Variants in KIF21A observed in about 807,000 individuals in gnomAD.
KIF21A encodes kinesin family member 21A, also known as kinesin-like protein KIF21A.
A neutral mutation model predicts 202.9 loss-of-function variants in KIF21A; 114 were observed. That is an observed-to-expected ratio of 0.56 (90% CI 0.48 to 0.66). The LOEUF (loss-of-function observed/expected upper bound fraction) is 0.66. Ranked by LOEUF, KIF21A falls within the 30% of genes least tolerant of loss-of-function variation. The pLI, the probability that KIF21A is intolerant of heterozygous loss-of-function variation, is 0.00. For synonymous variants in KIF21A, 667 were observed against 670.8 expected (o/e 0.99, Z 0.09); for missense variants, 1,677 against 1,994.9 (o/e 0.84, Z 3.04).
chr12:39,426,959 G>C (rs1238754237), intron 1 of KIF21A, among the ~76,000 whole-genome samples: 1 of 151,950 alleles, frequency 6.6e-6, no homozygotes, highest in Non-Finnish European at 1.5e-5. Flanking sequence ...TGTGATTATA[G>C]TGGCTGGAGG....
At chr12:39,401,407 C>A (rs1163315055) in intron 1 of KIF21A, among the ~76,000 whole-genome samples, 1 of 152,140 alleles carries the variant, frequency 6.6e-6, no homozygotes, top group Admixed American at 6.6e-5. Context: ...AAGGTAAATT[C>A]TTTACCCAAT....
At chr12:39,379,633 GA>G (rs1950486586) in intron 1 of KIF21A, among the ~76,000 whole-genome samples, 2 of 152,314 alleles carry the variant, frequency 1.3e-5, no homozygotes, top group Admixed American at 1.3e-4. Context: ...TCAGCAATGG[GA>G]GGTATCAGTA....
chr12:39,412,429 AT>A (rs1953177725), intron 1 of KIF21A, among the ~76,000 whole-genome samples: 1 of 152,208 alleles, frequency 6.6e-6, no homozygotes, highest in Non-Finnish European at 1.5e-5. Context: ...TTGAAAAGTA[AT>A]TAGCGCCCAG....
chr12:39,300,005 A>C (rs1942815553), intron 37 of KIF21A, among the ~76,000 whole-genome samples: 1 of 152,138 alleles, frequency 6.6e-6, no homozygotes, highest in Admixed American at 6.6e-5. Context: ...ATTGGATACT[A>C]GGCTTAGTAC....
chr12:39,298,647 C>G (rs1942653606), intron 37 of KIF21A, among the ~76,000 whole-genome samples: 1 of 152,102 alleles, frequency 6.6e-6, no homozygotes, highest in Non-Finnish European at 1.5e-5. Context: ...ATCCAATTGC[C>G]TGATAAACAA....
chr12:39,415,848 G>A (rs1208625106), intron 1 of KIF21A, among the ~76,000 whole-genome samples: 1 of 152,132 alleles, frequency 6.6e-6, no homozygotes, highest in Non-Finnish European at 1.5e-5. Flanking sequence ...CCACTCCAGG[G>A]CTATTGTATT....
chr12:39,407,183 G>A (rs936855830), intron 1 of KIF21A, among the ~76,000 whole-genome samples: 2 of 152,130 alleles, frequency 1.3e-5, no homozygotes, highest in Non-Finnish European at 2.9e-5. Context: ...TTTTAGAATT[G>A]CATTCCTCTC....
chr12:39,367,905 C>T lies in KIF21A; in HGVS notation c.578G>A (p.Arg193His), dbSNP rs770064077. The T allele has an allele frequency of 3.2e-5, 51 of 1,608,470 alleles. No individual in the cohort carries two copies. The highest frequency in any genetic ancestry group is 3.9e-5 in the Non-Finnish European group (46 of 1,175,432). The change falls in exon 4 of 38, where the codon CGT (arginine) becomes CAT (histidine). Residue 193 changes from arginine to histidine, a missense_variant. Physicochemically the swap from Arg to His is conservative, Grantham distance 29. Around this residue, in one of 3 missense-constraint regions of KIF21A, gnomAD observed 966 missense variants for 1,180.9 expected, o/e 0.82. Coordinates refer to ENST00000361418, the MANE Select transcript of KIF21A (RefSeq NM_001173464.2). ...TACCTCTGATTCTGTATTCACAGTACGTGTTGTAACGCCCACAGTATAAAT... is the reference window on the plus strand; with the variant it reads ...TACCTCTGATTCTGTATTCACAGTATGTGTTGTAACGCCCACAGTATAAAT... ...GGIYTVGVTT[R>H]TVNTESEMMQ...
chr12:39,441,069 G>A (rs916394401), intron 1 of KIF21A, among the ~76,000 whole-genome samples: 4 of 151,566 alleles, frequency 2.6e-5, no homozygotes, highest in Non-Finnish European at 5.9e-5. Flanking sequence ...AAGAAGGAAG[G>A]AAGGAAGGAA....
chr12:39,295,699 T>G lies in KIF21A; in HGVS notation c.4932-1182A>C, dbSNP rs977915122. On this transcript the variant is annotated intron_variant, in intron 37 of 37. Coordinates refer to ENST00000361418, the MANE Select transcript of KIF21A (RefSeq NM_001173464.2). The stretch of plus-strand genomic sequence containing the variant: ...CAAGCATGCTTGGGATATGTTTTTT[T>G]TTTTTTTTTTTTTTTTTTTTGACAG... Among the ~76,000 whole-genome samples, 4 of 140,656 alleles carry G rather than the reference T, an allele frequency of 2.8e-5. No homozygotes were observed. The East Asian group carries it at 6.3e-4, about 22-fold the overall frequency. 92.3% of individuals were successfully genotyped at this position (140,656 alleles called of 152,430 possible). A position where few individuals can be genotyped will look rare whatever the true frequency, so the allele number is the denominator to read the frequency against.
At chr12:39,320,651 TG>T (rs1945115542) in intron 27 of KIF21A, among the ~76,000 whole-genome samples, 1 of 150,016 alleles carries the variant, frequency 6.7e-6, no homozygotes, top group Non-Finnish European at 1.5e-5. Flanking sequence ...AAAAAAAGTC[TG>T]GGCCAGGCAT....
chr12:39,422,385 A>G (rs1253803606), intron 1 of KIF21A, among the ~76,000 whole-genome samples: 1 of 152,212 alleles, frequency 6.6e-6, no homozygotes, highest in Admixed American at 6.5e-5. Flanking sequence ...GTATTGTTCT[A>G]AATTTTGCTG....
intron 10 of KIF21A, 132 bp downstream of exon 10, chr12:39,356,700 T>C (rs1236552656): frequency 1.3e-5 from 7 of 558,828 alleles, no homozygotes; most frequent in Non-Finnish European, 1.9e-5. Context: ...TCTCCTAAAG[T>C]TAACCTAACC....
chr12:39,334,589 T>G (rs1946803370), intron 17 of KIF21A, among the ~76,000 whole-genome samples: 1 of 152,192 alleles, frequency 6.6e-6, no homozygotes, highest in Non-Finnish European at 1.5e-5. Flanking sequence ...TCATATAGTT[T>G]CAAACTTGTT....
At chr12:39,422,403 C>T (rs1481969511) in intron 1 of KIF21A, among the ~76,000 whole-genome samples, 1 of 152,182 alleles carries the variant, frequency 6.6e-6, no homozygotes, top group Non-Finnish European at 1.5e-5. Context: ...CTGCCAAAAG[C>T]AGCTGTACTA....
intron 1 of KIF21A, among the ~76,000 whole-genome samples, chr12:39,389,290 T>C (rs1408284676): frequency 6.6e-6 from 1 of 152,138 alleles, no homozygotes; most frequent in Non-Finnish European, 1.5e-5. Flanking sequence ...ATGTCCTTGA[T>C]GTTTCACAGT....
At chr12:39,357,784 C>T (rs1341760084) in intron 8 of KIF21A, among the ~76,000 whole-genome samples, 1 of 151,098 alleles carries the variant, frequency 6.6e-6, no homozygotes, top group Non-Finnish European at 1.5e-5. Flanking sequence ...GTGGCGGGTG[C>T]CTATAATCCC....
At chr12:39,376,365 T>C (rs1279909815) in intron 1 of KIF21A, among the ~76,000 whole-genome samples, 1 of 152,082 alleles carries the variant, frequency 6.6e-6, no homozygotes, top group African/African-American at 2.4e-5. Context: ...TAGGGTACAA[T>C]AGGAGCCAAA....
At chr12:39,358,461 G>T in intron 7 of KIF21A, 88 bp from the exon 8 acceptor site, 1 of 1,215,530 alleles carries the variant, frequency 8.2e-7, no homozygotes, top group Non-Finnish European at 1.2e-6. Flanking sequence ...CATTTGAATA[G>T]TATCTTCTCT....
Sources: gnomAD v4.1 joint callset for allele counts (sites outside exome capture counted in the v4.1 genomes callset) on GRCh38, gnomAD v4.1.1 for gene constraint, gnomAD v4.1.1 regional missense constraint, MANE v1.5 for transcripts, NCBI Gene and HGNC (gene_info 2026-07-23, HGNC 2026-07-21) for gene names.